GFM2: variants seen among roughly 807,000 people sequenced by gnomAD.
The protein encoded by GFM2 is ribosome-releasing factor 2, mitochondrial.
GFM2 carries 72 observed loss-of-function variants against 95.4 expected under a neutral mutation model. That is an observed-to-expected ratio of 0.76 (90% CI 0.62 to 0.92). The LOEUF (loss-of-function observed/expected upper bound fraction) is 0.92, where lower values mean the gene tolerates loss of function less well. GFM2 is among the 40% of genes least tolerant of loss of function. GFM2 has a pLI of 0.00. For synonymous variants in GFM2, 276 were observed against 317.5 expected (o/e 0.87, Z 1.39); for missense variants, 825 against 924.1 (o/e 0.89, Z 1.39).
At chr5:74,727,762 T>G (rs1750213854) in intron 17 of GFM2, among the ~76,000 whole-genome samples, 1 of 152,232 alleles carries the variant, frequency 6.6e-6, no homozygotes, top group African/African-American at 2.4e-5. Flanking sequence ...TTATTTCATT[T>G]TTAATTAACA....
At position 74,738,637 on chromosome 5, in the gene GFM2, C is replaced by A; in HGVS notation, c.1085G>T (p.Trp362Leu). 1 of 1,602,372 alleles carries A rather than the reference C, an allele frequency of 6.2e-7. No homozygotes were observed. Among genetic ancestry groups the A allele is most frequent in the Non-Finnish European group, 8.5e-7 (1 of 1,176,130 alleles). Residue 362 changes from tryptophan to leucine, a missense_variant, in exon 13 of 21, where the codon TGG becomes TTG. Transcript: ENST00000296805. The part of the protein sequence containing the change: ...PEERNYEFLQ[W>L]YKDDLCALAF... The stretch of plus-strand genomic sequence containing the variant: ...CAATGCACATAAGTCATCCTTATAC[C>A]ACTGCCTATAAAATAAACATTCCAA...
chr5:74,739,953 G>A (rs1743030316), intron 12 of GFM2, 36 bp downstream of exon 12: 1 of 1,381,360 alleles, frequency 7.2e-7, no homozygotes, highest in Non-Finnish European at 9.5e-7. Flanking sequence ...TTTCTTCAAA[G>A]CTATAGAATT....
At position 74,736,987 on chromosome 5, in the gene GFM2, T is replaced by G. The variant is rs868448147; in HGVS notation, c.1321-2A>C. 1 of 1,612,882 alleles carries G rather than the reference T, an allele frequency of 6.2e-7. No individual in the cohort carries two copies. The highest frequency in any genetic ancestry group is 1.8e-4 in the Middle Eastern group (1 of 5,694). ...GACAATGGTGTCTCCAGTGGCAGTC[T>G]GCAAGCAAACAAGATGACTTGGAAC... On this transcript the variant is annotated splice_acceptor_variant, in intron 14 of 20. Transcript: ENST00000296805. LOFTEE classifies it high-confidence loss of function.
At chr5:74,751,583 T>C (rs1390172039) in intron 5 of GFM2, 90 bp from the exon 6 acceptor site, 2 of 864,962 alleles carry the variant, frequency 2.3e-6, no homozygotes, top group Non-Finnish European at 3.5e-6. Flanking sequence ...TTAACCTGCC[T>C]TAAGAAAAAT....
At chr5:74,742,367 G>A (rs1038352699) in intron 10 of GFM2, among the ~76,000 whole-genome samples, 2 of 151,876 alleles carry the variant, frequency 1.3e-5, no homozygotes, top group African/African-American at 4.8e-5. Flanking sequence ...TCTGGAATCA[G>A]ACTACCTAGA....
chr5:74,763,736 T>C lies in GFM2; in HGVS notation c.7A>G (p.Thr3Ala). The C allele has an allele frequency of 2.5e-6, 4 of 1,606,734 alleles. No homozygotes were observed. The highest frequency in any genetic ancestry group is 3.4e-6 in the Non-Finnish European group (4 of 1,174,134). ML[T>A]NLRIFAMSHQ... ...CTCATTGCAAATATCCTCAAGTTGG[T>C]CAACATCTTGATCCTCCAAACTGTT... is the stretch of plus-strand genomic sequence containing the variant. Residue 3 changes from threonine to alanine, a missense_variant, in exon 2 of 21, where the codon ACC (threonine) becomes GCC (alanine). Transcript: ENST00000296805.
intron 17 of GFM2, among the ~76,000 whole-genome samples, chr5:74,727,800 T>A (rs924061384): frequency 6.6e-6 from 1 of 152,250 alleles, no homozygotes; most frequent in African/African-American, 2.4e-5. Context: ...ATGGGGTATG[T>A]GATGTTTCAA....
In GFM2 at chr5:74,758,904, T is replaced by C. The variant is rs1468689741; in HGVS notation, c.249A>G (p.Lys83=). The stretch of plus-strand genomic sequence containing the variant: ...ACAATATTCTTTCTGTGGTGGTAGT[T>C]TTGCCTGCATCAATATGAGCCATAA... ...IGIMAHIDAG[K]TTTTERILYY... is the part of the protein sequence containing the mutation. The change falls in exon 5 of 21, where the codon AAA becomes AAG. Residue 83 remains lysine (K), a synonymous_variant. Transcript: ENST00000296805. The C allele has an allele frequency of 2.5e-6, 4 of 1,610,452 alleles. No homozygotes were observed. The highest frequency in any genetic ancestry group is 1.3e-5 in the African/African-American group (1 of 74,842).
rs763774517 is a variant in GFM2, at chr5:74,722,444, G to A, written c.2146C>T (p.Gln716Ter). ...TTGTCCTGGCGAGTCTGAATTTCCT[G>A]AATGTTTCCTCTTCTTTGTGCCAGA... ...ADLAQRRGNI[Q>*]EIQTRQDNKV... The change falls in exon 20 of 21, where the codon CAG (glutamine) becomes TAG (stop). Residue 716 changes from glutamine to a stop codon, truncating the protein, a stop_gained. Coordinates refer to ENST00000296805, the MANE Select transcript of GFM2 (RefSeq NM_032380.5). LOFTEE classifies it high-confidence loss of function. The A allele has an allele frequency of 6.2e-7, 1 of 1,614,026 alleles. No individual in the cohort carries two copies. Among genetic ancestry groups the A allele is most frequent in the Non-Finnish European group, 8.5e-7 (1 of 1,179,942 alleles).
chr5:74,727,007 AAAT>A (rs1490747136), intron 17 of GFM2, among the ~76,000 whole-genome samples: 1 of 152,074 alleles, frequency 6.6e-6, no homozygotes, highest in African/African-American at 2.4e-5. Flanking sequence ...TCTCTGTAAA[AAAT>A]AATAAAAATT....
chr5:74,758,805 CT>C, intron 5 of GFM2, 43 bp downstream of exon 5: 2 of 1,215,688 alleles, frequency 1.6e-6, no homozygotes, highest in Non-Finnish European at 2.4e-6. Context: ...TCCAATGATG[CT>C]TTTGCTAATG....
intron 5 of GFM2, among the ~76,000 whole-genome samples, chr5:74,752,472 T>C (rs1743769840): frequency 6.6e-6 from 1 of 152,174 alleles, no homozygotes; most frequent in Admixed American, 6.5e-5. Context: ...AAAATGTATT[T>C]GACAGCAACT....
Position 74,726,034 on chromosome 5 carries a change from T to A in GFM2, c.1819A>T (p.Ile607Phe). ...ATACTTTCAGCATACTCAAACTCAA[T>A]CACAGGCATAACAGATGATGTTTCA... is the stretch of plus-strand genomic sequence containing the variant. ...PIETSSVMPVIEFEYAESINE... is the reference protein window; with the variant it reads ...PIETSSVMPVFEFEYAESINE... Residue 607 changes from isoleucine (I) to phenylalanine (F), a missense_variant, in exon 18 of 21, where the codon ATT becomes TTT. By Grantham distance (21) the Ile-to-Phe change is conservative (BLOSUM62 0). Coordinates refer to ENST00000296805, the MANE Select transcript of GFM2 (RefSeq NM_032380.5). 1 of 1,593,788 alleles carries A rather than the reference T, an allele frequency of 6.3e-7. No homozygotes were observed. The highest frequency in any genetic ancestry group is 8.6e-7 in the Non-Finnish European group (1 of 1,165,850).
chr5:74,749,264 C>T (rs1017211256), intron 7 of GFM2, among the ~76,000 whole-genome samples: 1 of 152,126 alleles, frequency 6.6e-6, no homozygotes, highest in Admixed American at 6.5e-5. Context: ...AACCCACCTG[C>T]CTCAGCCTCC....
intron 18 of GFM2, 59 bp downstream of exon 18, chr5:74,725,882 A>G (rs1027015939): frequency 6.0e-6 from 9 of 1,500,606 alleles, no homozygotes; most frequent in Middle Eastern, 3.5e-4. Flanking sequence ...TCTGTAATAT[A>G]AGGAGTGATT....
rs902090576 is a variant in GFM2, at chr5:74,746,088, G to T, written c.669+17C>A. Reference sequence around the variant, plus strand: ...ATGAGGAAACTGAGAAGAAGCTGATGCTATTAACCAATTTACCTGTAAAAG... The same window carrying T: ...ATGAGGAAACTGAGAAGAAGCTGATTCTATTAACCAATTTACCTGTAAAAG... On this transcript the variant is annotated intron_variant, in intron 9 of 20. Coordinates refer to ENST00000296805, the MANE Select transcript of GFM2 (RefSeq NM_032380.5). 1.2e-5 allele frequency: 18 copies of T among 1,496,540 alleles called. No individual in the cohort carries two copies. The highest frequency in any genetic ancestry group is 1.4e-5 in the African/African-American group (1 of 70,726). 92.7% of individuals were successfully genotyped at this position (1,496,540 alleles called of 1,614,324 possible).
chr5:74,736,997 C>T lies in GFM2; in HGVS notation c.1321-12G>A, dbSNP rs768051849. On this transcript the variant is annotated splice_polypyrimidine_tract_variant and intron_variant, in intron 14 of 20. Coordinates refer to ENST00000296805, the MANE Select transcript of GFM2 (RefSeq NM_032380.5). ...TCTCCAGTGGCAGTCTGCAAGCAAA[C>T]AAGATGACTTGGAACGAAAGTGGCA... The T allele has an allele frequency of 3.8e-5, 61 of 1,612,116 alleles. No individual in the cohort carries two copies. The highest frequency in any genetic ancestry group is 5.0e-5 in the Non-Finnish European group (59 of 1,179,236).
chr5:74,736,743 TTTATATAAA>T, intron 15 of GFM2, 44 bp downstream of exon 15: 1 of 1,607,292 alleles, frequency 6.2e-7, no homozygotes, highest in Middle Eastern at 1.7e-4. Flanking sequence ...TTGCAACTAT[TTTATATAAA>T]TTATCAGCGC....
intron 2 of GFM2, among the ~76,000 whole-genome samples, chr5:74,763,446 C>T (rs1018232473): frequency 6.6e-5 from 10 of 152,144 alleles, no homozygotes; most frequent in Non-Finnish European, 1.5e-4. Flanking sequence ...TTTAGTACTC[C>T]ATGAGACCAG....
Sources: gnomAD v4.1 joint callset for allele counts (sites outside exome capture counted in the v4.1 genomes callset) on GRCh38, gnomAD v4.1.1 for gene constraint, MANE v1.5 for transcripts, NCBI Gene and HGNC (gene_info 2026-07-23, HGNC 2026-07-21) for gene names.